Variants in MN1 observed in about 807,000 individuals in gnomAD.
MN1 encodes the protein transcriptional activator MN1.
MN1 carries 19 observed loss-of-function variants against 86.9 expected under a neutral mutation model. The ratio of observed to expected loss-of-function variants is 0.22; its 90% CI spans 0.15 to 0.32. The LOEUF (loss-of-function observed/expected upper bound fraction) is 0.32. MN1 is among the 10% of genes least tolerant of loss of function. MN1 has a pLI of 1.00. For missense variants in MN1, 1,841 were observed against 1,862.0 expected, an observed-to-expected ratio of 0.99 and a Z score of 0.21; for synonymous variants, 928 against 849.6, an observed-to-expected ratio of 1.09 and a Z score of -1.60.
intron 1 of MN1, among the ~76,000 whole-genome samples, chr22:27,771,753 C>T (rs1171719475): frequency 6.6e-6 from 1 of 152,106 alleles, no homozygotes; most frequent in Non-Finnish European, 1.5e-5. Flanking sequence ...TACTCTCTGA[C>T]CCTTAACAGA....
Position 27,798,153 on chromosome 22 carries a change from G to A in MN1, c.2391C>T (p.Thr797=). 1 of 1,593,180 alleles carries A rather than the reference G, an allele frequency of 6.3e-7. No individual in the cohort carries two copies. Among genetic ancestry groups the A allele is most frequent in the Non-Finnish European group, 8.5e-7 (1 of 1,174,000 alleles). ...PQPDFQPSQR[T]SASKLGALSL... The stretch of plus-strand genomic sequence containing the variant: ...AGAGCGCGCCCAATTTACTGGCCGA[G>A]GTGCGCTGGCTGGGCTGGAAATCAG... The change falls in exon 1 of 2, where the codon ACC becomes ACT. Residue 797 remains threonine, a synonymous_variant. Transcript: ENST00000302326.
chr22:27,776,068 T>G (rs993959538), intron 1 of MN1, among the ~76,000 whole-genome samples: 50 of 152,306 alleles, frequency 3.3e-4, no homozygotes, highest in African/African-American at 1.1e-3. Context: ...AAAAAAAATT[T>G]TTTAAGACCT....
intron 1 of MN1, among the ~76,000 whole-genome samples, chr22:27,763,584 C>A (rs1040683728): frequency 6.6e-6 from 1 of 152,156 alleles, no homozygotes; most frequent in African/African-American, 2.4e-5. Context: ...GGTACCCAAC[C>A]GACGGTCAAA....
chr22:27,771,944 G>A (rs747852285), intron 1 of MN1, among the ~76,000 whole-genome samples: 20 of 152,144 alleles, frequency 1.3e-4, no homozygotes, highest in Non-Finnish European at 1.9e-4. Flanking sequence ...TTCCACCGCC[G>A]TATATCAATT....
chr22:27,765,968 C>T (rs1258965744), intron 1 of MN1, among the ~76,000 whole-genome samples: 1 of 152,188 alleles, frequency 6.6e-6, no homozygotes, highest in Non-Finnish European at 1.5e-5. Context: ...CAGTGGCAAC[C>T]ACCCTAGGGT....
intron 1 of MN1, among the ~76,000 whole-genome samples, chr22:27,755,395 CA>C (rs1298569103): frequency 6.6e-6 from 1 of 152,192 alleles, no homozygotes; most frequent in Non-Finnish European, 1.5e-5. Context: ...TCAGGCAGCA[CA>C]GGGGGCCGAG....
At chr22:27,772,162 G>A (rs191277115) in intron 1 of MN1, among the ~76,000 whole-genome samples, 14 of 152,312 alleles carry the variant, frequency 9.2e-5, no homozygotes, top group Admixed American at 7.8e-4. Context: ...AAGTCCTGGC[G>A]ACAGGGCATT....
intron 1 of MN1, among the ~76,000 whole-genome samples, chr22:27,780,803 T>G (rs1407391420): frequency 6.6e-6 from 1 of 152,252 alleles, no homozygotes; most frequent in Non-Finnish European, 1.5e-5. Context: ...AGGGCATTTG[T>G]CTTTCTCCCC....
intron 1 of MN1, among the ~76,000 whole-genome samples, chr22:27,795,985 C>T (rs1336039362): frequency 6.6e-6 from 1 of 152,126 alleles, no homozygotes; most frequent in East Asian, 1.9e-4. Flanking sequence ...AAACACGGAT[C>T]CTTTGTGTCT....
chr22:27,797,004 G>T lies in MN1; in HGVS notation c.3540C>A (p.Gly1180=). The T allele has an allele frequency of 1.2e-6, 2 of 1,612,608 alleles. No homozygotes were observed. Among genetic ancestry groups the T allele is most frequent in the Non-Finnish European group, 1.7e-6 (2 of 1,179,732 alleles). ...CCCCGACGGCGCACTCACCCTTCTTGCCACCCTTCAGCCCCAGAGGCTGGT... is the reference window on the plus strand; with the variant it reads ...CCCCGACGGCGCACTCACCCTTCTTTCCACCCTTCAGCCCCAGAGGCTGGT... ...SEDQPLGLKG[G]KKGECAVGAS... Residue 1180 remains glycine, a synonymous_variant, in exon 1 of 2, where the codon GGC becomes GGA. Transcript: ENST00000302326.
rs1933365203 is a variant in MN1, at chr22:27,798,800, C to CGGGGTGGCCTAGCTGAGCCAGGTT, written c.1720_1743dup (p.Asn574_Pro581dup). 6.5e-7 allele frequency: 1 copy of CGGGGTGGCCTAGCTGAGCCAGGTT among 1,535,852 alleles called. No homozygotes were observed. The highest frequency in any genetic ancestry group is 1.4e-5 in the African/African-American group (1 of 73,028). On this transcript the variant is annotated inframe_insertion, in exon 1 of 2. Coordinates refer to ENST00000302326, the MANE Select transcript of MN1 (RefSeq NM_002430.3). ...ACCAGGCCGCCCTGGCCCACGTCCC[C>CGGGGTGGCCTAGCTGAGCCAGGTT]GGGGTGGCCTAGCTGAGCCAGGTTG...
chr22:27,748,708 G>A lies in MN1; in HGVS notation c.*2207C>T, dbSNP rs754288899. The A allele has an allele frequency of 4.6e-5, 10 of 218,056 alleles. No homozygotes were observed. The highest frequency in any genetic ancestry group is 8.3e-5 in the Non-Finnish European group (9 of 108,332). 13.5% of individuals were successfully genotyped at this position (218,056 alleles called of 1,614,324 possible). ...TATTTTTAAAGCTGTTTCATTCTGG[G>A]GTCGTGGGGAGCGAGAAAGTTTTTA... On this transcript the variant is annotated 3_prime_UTR_variant, in exon 2 of 2. Transcript: ENST00000302326.
chr22:27,776,647 C>A (rs975193724), intron 1 of MN1, among the ~76,000 whole-genome samples: 1 of 151,934 alleles, frequency 6.6e-6, no homozygotes, highest in African/African-American at 2.4e-5. Flanking sequence ...CTGGCCTCCC[C>A]ACTTTTTGAG....
chr22:27,773,002 C>T (rs1468997060), intron 1 of MN1, among the ~76,000 whole-genome samples: 1 of 151,762 alleles, frequency 6.6e-6, no homozygotes. Flanking sequence ...CTAGCTTTCT[C>T]GGCCTCCCCA....
At chr22:27,776,104 G>C (rs1425407842) in intron 1 of MN1, among the ~76,000 whole-genome samples, 1 of 152,186 alleles carries the variant, frequency 6.6e-6, no homozygotes, top group African/African-American at 2.4e-5. Context: ...GGGGAGATGG[G>C]AGAATTCAAA....
At chr22:27,778,527 C>T (rs1415669768) in intron 1 of MN1, among the ~76,000 whole-genome samples, 1 of 152,246 alleles carries the variant, frequency 6.6e-6, no homozygotes, top group Non-Finnish European at 1.5e-5. Context: ...TGTATTTATG[C>T]CAAGGCTTAG....
In MN1 at chr22:27,798,905, G is replaced by T; in HGVS notation, c.1639C>A (p.Gln547Lys). 6.5e-7 allele frequency: 1 copy of T among 1,541,024 alleles called. No individual in the cohort carries two copies. Among genetic ancestry groups the T allele is most frequent in the Non-Finnish European group, 8.8e-7 (1 of 1,138,748 alleles). The change falls in exon 1 of 2, where the codon CAG becomes AAG. Residue 547 changes from glutamine to lysine, a missense_variant. Physicochemically the swap from Gln to Lys is moderately conservative, Grantham distance 53. Transcript: ENST00000302326. ...QQQQQQQQQQ[Q>K]QQQRQNAALM... is the part of the protein sequence containing the mutation. ...GCCGCGTTTTGGCGCTGCTGCTGCT[G>T]CTGCTGTTGCTGTTGCTGTTGCTGC... is the stretch of plus-strand genomic sequence containing the variant.
At chr22:27,772,264 C>T (rs2073784) in intron 1 of MN1, among the ~76,000 whole-genome samples, 17,462 of 152,208 alleles carry the variant, frequency 0.11, 1,189 homozygotes, top group East Asian at 0.26. Flanking sequence ...CACTGCCTCG[C>T]TGTGTCTCAG....
At chr22:27,786,900 G>A (rs1933141785) in intron 1 of MN1, among the ~76,000 whole-genome samples, 1 of 152,118 alleles carries the variant, frequency 6.6e-6, no homozygotes, top group Non-Finnish European at 1.5e-5. Context: ...CAGGCGCTGA[G>A]CACAAAATAA....
Sources: allele counts gnomAD v4.1 joint callset (sites outside exome capture counted in the v4.1 genomes callset), GRCh38; gene constraint gnomAD v4.1.1; transcripts MANE v1.5; gene names NCBI Gene and HGNC (gene_info 2026-07-23, HGNC 2026-07-21).